DOCK3: variants seen among roughly 807,000 people sequenced by gnomAD.
The protein encoded by DOCK3 is dedicator of cytokinesis 3.
A neutral mutation model predicts 265.6 loss-of-function variants in DOCK3; 60 were observed. The observed-to-expected ratio is 0.23, with a 90% confidence interval of 0.18 to 0.28. DOCK3 has a LOEUF of 0.28. Among genes scored for constraint, DOCK3 ranks in the 10% least tolerant of loss-of-function variants. The pLI, the probability that DOCK3 is intolerant of heterozygous loss-of-function variation, is 1.00. For missense variants in DOCK3, 1,981 were observed against 2,594.3 expected (o/e 0.76, Z 5.14); for synonymous variants, 881 against 938.0 (o/e 0.94, Z 1.11).
At chr3:50,922,595 A>C (rs1403905807) in intron 4 of DOCK3, among the ~76,000 whole-genome samples, 1 of 152,180 alleles carries the variant, frequency 6.6e-6, no homozygotes, top group Non-Finnish European at 1.5e-5. Context: ...TTGGAAATGC[A>C]GAAATCACCT....
intron 22 of DOCK3, among the ~76,000 whole-genome samples, chr3:51,256,283 T>C (rs796364312): frequency 2.0e-5 from 3 of 152,350 alleles, no homozygotes; most frequent in African/African-American, 7.2e-5. Context: ...GTTTTGTTTT[T>C]TGAGACACAG....
intron 7 of DOCK3, among the ~76,000 whole-genome samples, chr3:51,082,978 C>T (rs186063011): frequency 1.6e-3 from 251 of 152,254 alleles, no homozygotes; most frequent in Admixed American, 3.0e-3. Context: ...TGTACCACCA[C>T]GGGGCCTGAG....
intron 3 of DOCK3, among the ~76,000 whole-genome samples, chr3:50,881,073 A>T (rs1429375788): frequency 6.6e-6 from 1 of 152,226 alleles, no homozygotes; most frequent in Non-Finnish European, 1.5e-5. Flanking sequence ...GACAAAATTC[A>T]ACAGCCCTTC....
intron 27 of DOCK3, among the ~76,000 whole-genome samples, chr3:51,281,185 T>C (rs1013387608): frequency 1.3e-5 from 2 of 151,428 alleles, no homozygotes; most frequent in Admixed American, 6.6e-5. Context: ...TGATGTCCAG[T>C]CTTTCGGCTT....
intron 10 of DOCK3, among the ~76,000 whole-genome samples, chr3:51,158,916 C>G (rs1359183754): frequency 6.6e-6 from 1 of 152,084 alleles, no homozygotes; most frequent in Non-Finnish European, 1.5e-5. Flanking sequence ...CCTTCTGTTA[C>G]AGAATGTTTT....
chr3:50,993,089 A>G (rs2078167338), intron 5 of DOCK3, among the ~76,000 whole-genome samples: 1 of 152,154 alleles, frequency 6.6e-6, no homozygotes, highest in South Asian at 2.1e-4. Flanking sequence ...TGGGGTAATT[A>G]ATGTGAGGGG....
In DOCK3 at chr3:51,282,511, G is replaced by A. The variant is rs2081178202; in HGVS notation, c.2922+2307G>A. Among the ~76,000 whole-genome samples, 3 of 151,860 alleles carry A rather than the reference G, an allele frequency of 2.0e-5. 1 individual carries two copies. Among genetic ancestry groups the A allele is most frequent in the Admixed American group, 1.3e-4 (2 of 15,246 alleles). On this transcript the variant is annotated intron_variant, in intron 27 of 52. Transcript: ENST00000266037. Reference sequence around the variant, plus strand: ...TCTACTAAAAATACAAACTTATACGGGTGTGGTGGTGCACGCCTGTAATCC... The same window carrying A: ...TCTACTAAAAATACAAACTTATACGAGTGTGGTGGTGCACGCCTGTAATCC...
chr3:51,252,198 T>C (rs1242210708), intron 22 of DOCK3, among the ~76,000 whole-genome samples: 1 of 152,220 alleles, frequency 6.6e-6, no homozygotes, highest in Non-Finnish European at 1.5e-5. Flanking sequence ...TTCTCAGGGC[T>C]CTATTCTGTT....
intron 2 of DOCK3, among the ~76,000 whole-genome samples, chr3:50,828,605 AC>A (rs1193623698): frequency 6.6e-6 from 1 of 151,812 alleles, no homozygotes; most frequent in Non-Finnish European, 1.5e-5. Flanking sequence ...GGGTTTCACC[AC>A]GTTGTCCAGG....
chr3:50,719,953 G>T, intron 1 of DOCK3: 1 of 478,754 alleles, frequency 2.1e-6, no homozygotes, highest in Non-Finnish European at 3.9e-6. Flanking sequence ...CAGTGATGTC[G>T]GGGTTCTGGG....
chr3:50,722,218 G>A (rs1312839808), intron 1 of DOCK3, among the ~76,000 whole-genome samples: 1 of 152,198 alleles, frequency 6.6e-6, no homozygotes, highest in African/African-American at 2.4e-5. Context: ...AGGGTAAAGG[G>A]TGATTTCCTG....
chr3:51,325,263 C>T (rs2084023297), intron 32 of DOCK3, among the ~76,000 whole-genome samples: 1 of 151,960 alleles, frequency 6.6e-6, no homozygotes, highest in Non-Finnish European at 1.5e-5. Flanking sequence ...GATGAACAGA[C>T]ACTTCTCAAA....
intron 2 of DOCK3, among the ~76,000 whole-genome samples, chr3:50,820,362 T>G (rs930997047): frequency 1.3e-5 from 2 of 152,184 alleles, no homozygotes; most frequent in African/African-American, 4.8e-5. Context: ...TTTGTGACCC[T>G]TACGTTGCAA....
chr3:51,007,806 A>G (rs963765438), intron 5 of DOCK3, among the ~76,000 whole-genome samples: 2 of 152,172 alleles, frequency 1.3e-5, no homozygotes, highest in Non-Finnish European at 2.9e-5. Flanking sequence ...TATAAGGTGT[A>G]AGGAAGGGCT....
At chr3:51,251,138 C>A (rs577665293) in intron 22 of DOCK3, among the ~76,000 whole-genome samples, 1 of 152,066 alleles carries the variant, frequency 6.6e-6, no homozygotes, top group Non-Finnish European at 1.5e-5. Flanking sequence ...TCTGTCCTTG[C>A]GATAGTTTGC....
chr3:50,906,576 G>A (rs2049513819), intron 4 of DOCK3, among the ~76,000 whole-genome samples: 2 of 151,920 alleles, frequency 1.3e-5, no homozygotes, highest in Non-Finnish European at 2.9e-5. Flanking sequence ...ATTCTCTGAT[G>A]GTAGTTTGTA....
chr3:50,833,172 T>G (rs149395509), intron 2 of DOCK3, among the ~76,000 whole-genome samples: 137 of 152,264 alleles, frequency 9.0e-4, no homozygotes, highest in African/African-American at 3.1e-3. Flanking sequence ...CTCTGTTTCT[T>G]CTGAGCAGCA....
chr3:51,233,320 A>T (rs750947847), intron 19 of DOCK3, among the ~76,000 whole-genome samples: 37 of 59,426 alleles, frequency 6.2e-4, no homozygotes, highest in African/African-American at 1.1e-3. Flanking sequence ...CTTTCTTTCT[A>T]TCTATCTATC....
At chr3:51,228,860 C>T in intron 18 of DOCK3, 28 bp downstream of exon 18, 1 of 1,606,988 alleles carries the variant, frequency 6.2e-7, no homozygotes, top group Non-Finnish European at 8.5e-7. Flanking sequence ...CAGGGTGGTG[C>T]CCTCCACCCT....
Sources: gnomAD v4.1 joint callset for allele counts (sites outside exome capture counted in the v4.1 genomes callset) on GRCh38, gnomAD v4.1.1 for gene constraint, MANE v1.5 for transcripts, NCBI Gene and HGNC (gene_info 2026-07-23, HGNC 2026-07-21) for gene names.